Variants in PARD3B observed in about 807,000 individuals in gnomAD.
PARD3B encodes par-3 family cell polarity regulator beta.
A neutral mutation model predicts 130.2 loss-of-function variants in PARD3B; 103 were observed. That is an observed-to-expected ratio of 0.79 (90% CI 0.67 to 0.93). The LOEUF is 0.93. PARD3B is among the 40% of genes least tolerant of loss of function. The pLI, the probability that PARD3B is intolerant of heterozygous loss-of-function variation, is 0.00. For synonymous variants in PARD3B, 583 were observed against 553.2 expected (o/e 1.05, Z -0.76); for missense variants, 1,609 against 1,499.2 (o/e 1.07, Z -1.21).
chr2:205,230,824 A>G lies in PARD3B; in HGVS notation c.2141-14954A>G, dbSNP rs1285229807. ...CAGGTTCTGACTGCTGGGATGGGCA[A>G]TTTCCCTCTGGCTAGGGCTGGTCTG... On this transcript the variant is annotated intron_variant, in intron 15 of 22. Coordinates refer to ENST00000406610, the MANE Select transcript of PARD3B (RefSeq NM_001302769.2). This position sits in a 1 kb window ranked among gnomAD's most constrained non-coding sequence, Gnocchi z 4.1. 2.0e-5 allele frequency among the ~76,000 whole-genome samples: 3 copies of G among 152,160 alleles called. No individual in the cohort carries two copies. Among genetic ancestry groups the G allele is most frequent in the Admixed American group, 6.5e-5 (1 of 15,282 alleles).
intron 2 of PARD3B, among the ~76,000 whole-genome samples, chr2:204,957,500 G>C (rs1690363180): frequency 2.6e-5 from 4 of 152,064 alleles, no homozygotes; most frequent in Admixed American, 2.6e-4. Context: ...CTCATTTACT[G>C]ACTGTCAGTT....
At chr2:204,693,732 C>T (rs186541568) in intron 2 of PARD3B, among the ~76,000 whole-genome samples, 458 of 152,154 alleles carry the variant, frequency 3.0e-3, no homozygotes, top group Non-Finnish European at 4.3e-3. Context: ...GCAGTGGTGG[C>T]GAAACTACTG....
intron 2 of PARD3B, among the ~76,000 whole-genome samples, chr2:204,855,400 G>A (rs1362238893): frequency 4.0e-5 from 6 of 151,726 alleles, no homozygotes; most frequent in African/African-American, 1.5e-4. Flanking sequence ...AAATTAGCTG[G>A]GTGTGGTAGC....
chr2:205,527,869 A>C, intron 21 of PARD3B, among the ~76,000 whole-genome samples: 1 of 152,290 alleles, frequency 6.6e-6, no homozygotes, highest in Non-Finnish European at 1.5e-5. Context: ...ACAAGGTCCA[A>C]TTCTCTCTAC....
intron 18 of PARD3B, among the ~76,000 whole-genome samples, chr2:205,346,212 TAAA>T (rs1438660293): frequency 6.7e-6 from 1 of 149,294 alleles, no homozygotes; most frequent in Non-Finnish European, 1.5e-5. Flanking sequence ...AATAAATAAA[TAAA>T]TAAATTTCAT....
chr2:205,139,448 T>C (rs1559477410), intron 10 of PARD3B, among the ~76,000 whole-genome samples: 1 of 152,196 alleles, frequency 6.6e-6, no homozygotes, highest in Non-Finnish European at 1.5e-5. Context: ...TAGCAACTTG[T>C]TGGAAACTGG....
At chr2:205,312,810 C>G (rs918728797) in intron 18 of PARD3B, among the ~76,000 whole-genome samples, 1 of 152,046 alleles carries the variant, frequency 6.6e-6, no homozygotes, top group Non-Finnish European at 1.5e-5. Flanking sequence ...AGCAATGACC[C>G]TTTTTTTTCC....
chr2:205,032,268 T>C (rs544659640), intron 3 of PARD3B, among the ~76,000 whole-genome samples: 1 of 152,180 alleles, frequency 6.6e-6, no homozygotes, highest in African/African-American at 2.4e-5. Flanking sequence ...GCCTATCTAG[T>C]AGCAAGACAG....
chr2:205,576,849 A>T (rs2053777411), intron 22 of PARD3B, among the ~76,000 whole-genome samples: 1 of 152,094 alleles, frequency 6.6e-6, no homozygotes, highest in Admixed American at 6.6e-5. Context: ...TCTGTTTTTG[A>T]TTGGGATTGC....
At chr2:205,357,101 A>G (rs912645977) in intron 18 of PARD3B, among the ~76,000 whole-genome samples, 9 of 152,168 alleles carry the variant, frequency 5.9e-5, no homozygotes, top group Non-Finnish European at 1.2e-4. Flanking sequence ...TTGGACCAGC[A>G]TATGTTTATC....
intron 2 of PARD3B, among the ~76,000 whole-genome samples, chr2:204,739,939 C>CT (rs1050208261): frequency 4.4e-4 from 64 of 146,784 alleles, no homozygotes; most frequent in Admixed American, 1.8e-3. Flanking sequence ...TACAATGCCC[C>CT]TTTTTTTTTT....
chr2:205,011,978 C>T lies in PARD3B; in HGVS notation c.395-35603C>T, dbSNP rs544659115. Among the ~76,000 whole-genome samples, 2 of 152,270 alleles carry T rather than the reference C, an allele frequency of 1.3e-5. No individual in the cohort carries two copies. The highest frequency in any genetic ancestry group is 3.9e-4 in the East Asian group (2 of 5,162). On this transcript the variant is annotated intron_variant, in intron 3 of 22. Transcript: ENST00000406610. This position sits in a 1 kb window ranked among gnomAD's most constrained non-coding sequence, Gnocchi z 4.1. ...GGAAATGGGCCAAGGCCTCGTTGGGCATTTTACAGGCTTTCTACCCATCCT... is the reference window on the plus strand; with the variant it reads ...GGAAATGGGCCAAGGCCTCGTTGGGTATTTTACAGGCTTTCTACCCATCCT...
At chr2:204,549,044 C>G (rs750788910) in intron 1 of PARD3B, among the ~76,000 whole-genome samples, 6 of 152,202 alleles carry the variant, frequency 3.9e-5, no homozygotes, top group Non-Finnish European at 8.8e-5. Flanking sequence ...TGGACAGCGT[C>G]TGAGAAGTAA....
intron 22 of PARD3B, among the ~76,000 whole-genome samples, chr2:205,567,184 G>T (rs1251041448): frequency 6.6e-6 from 1 of 151,740 alleles, no homozygotes; most frequent in Admixed American, 6.6e-5. Context: ...TAATATGTAT[G>T]TATGTATAGA....
rs1255418062 is a variant in PARD3B at position 204,883,453 on chromosome 2, A to ATTT, written c.223-81698_223-81697insTTT. ...ATATAAAATATATATATATATATATATATTTTTTTTTTTGAGACAGAGTCT... is the reference window on the plus strand; with the variant it reads ...ATATAAAATATATATATATATATATATTTTATTTTTTTTTTTGAGACAGAGTCT... On this transcript the variant is annotated intron_variant, in intron 2 of 22. Transcript: ENST00000406610. Among the ~76,000 whole-genome samples the ATTT allele has an allele frequency of 8.9e-3, 870 of 97,928 alleles. 37 individuals are homozygous for ATTT. The highest frequency in any genetic ancestry group is 0.062 in the East Asian group (200 of 3,234). 64.2% of individuals were successfully genotyped at this position (97,928 alleles called of 152,430 possible).
chr2:204,678,615 G>C lies in PARD3B; in HGVS notation c.121-7566G>C, dbSNP rs1241559807. On this transcript the variant is annotated intron_variant, in intron 1 of 22. Coordinates refer to ENST00000406610, the MANE Select transcript of PARD3B (RefSeq NM_001302769.2). The surrounding 1 kb of genome is among the most constrained non-coding windows in gnomAD (Gnocchi z 4.2). ...GTCGTGTGGTCTGACATTAAGCCGC[G>C]TCTAGCCTTAGTCTCTGATGCGCAG... 6.6e-6 allele frequency among the ~76,000 whole-genome samples: 1 copy of C among 151,968 alleles called. No individual in the cohort carries two copies. Among genetic ancestry groups the C allele is most frequent in the Non-Finnish European group, 1.5e-5 (1 of 67,990 alleles).
chr2:204,660,717 C>A (rs558654777), intron 1 of PARD3B, among the ~76,000 whole-genome samples: 5 of 152,172 alleles, frequency 3.3e-5, no homozygotes, highest in East Asian at 3.9e-4. Flanking sequence ...ATTTATCCCC[C>A]CTCTGTGAAA....
intron 15 of PARD3B, among the ~76,000 whole-genome samples, chr2:205,218,356 T>C (rs1358327447): frequency 6.6e-6 from 1 of 152,220 alleles, no homozygotes; most frequent in Non-Finnish European, 1.5e-5. Flanking sequence ...TTATTGGCTG[T>C]AATGTATGAA....
chr2:204,641,366 G>T (rs2035070308), intron 1 of PARD3B, among the ~76,000 whole-genome samples: 1 of 151,906 alleles, frequency 6.6e-6, no homozygotes, highest in Non-Finnish European at 1.5e-5. Context: ...GAATAGAAGT[G>T]TCTAGATGGG....
Sources: gnomAD v4.1 joint callset for allele counts (sites outside exome capture counted in the v4.1 genomes callset) on GRCh38, gnomAD v4.1.1 for gene constraint, Gnocchi (gnomAD v3.1) non-coding constraint, MANE v1.5 for transcripts, NCBI Gene and HGNC (gene_info 2026-07-23, HGNC 2026-07-21) for gene names.